GRID1: variants seen among roughly 807,000 people sequenced by gnomAD.
GRID1 encodes the protein glutamate ionotropic receptor delta type subunit 1.
GRID1 carries 28 observed loss-of-function variants against 98.0 expected under a neutral mutation model. That is an observed-to-expected ratio of 0.29 (90% confidence interval 0.21 to 0.39). The LOEUF is 0.39. GRID1 is among the 10% of genes least tolerant of loss of function. The pLI, the probability that GRID1 is intolerant of heterozygous loss-of-function variation, is 1.00. For missense variants in GRID1, 1,111 were observed against 1,340.5 expected (o/e 0.83, Z 2.67); for synonymous variants, 553 against 538.5 (o/e 1.03, Z -0.37).
chr10:85,754,875 T>G (rs1842081002), intron 8 of GRID1, among the ~76,000 whole-genome samples: 2 of 152,164 alleles, frequency 1.3e-5, no homozygotes, highest in South Asian at 4.1e-4. Flanking sequence ...CCTTAAAAAG[T>G]TATTTATAGG....
At chr10:85,910,741 T>C (rs1427971892) in intron 5 of GRID1, among the ~76,000 whole-genome samples, 2 of 152,164 alleles carry the variant, frequency 1.3e-5, no homozygotes, top group Non-Finnish European at 2.9e-5. Context: ...CTAGGAACTT[T>C]AGGGAACCTC....
At chr10:86,028,968 T>G (rs998218220) in intron 4 of GRID1, among the ~76,000 whole-genome samples, 3 of 152,154 alleles carry the variant, frequency 2.0e-5, no homozygotes. Flanking sequence ...ACCCTTCTGA[T>G]GCCAGTCCCC....
At chr10:86,237,569 A>T (rs546442411) in intron 2 of GRID1, among the ~76,000 whole-genome samples, 76 of 152,236 alleles carry the variant, frequency 5.0e-4, no homozygotes, top group African/African-American at 1.8e-3. Flanking sequence ...GCATGGTGGC[A>T]GGTGCCTGTA....
chr10:86,134,557 A>C (rs1844887713), intron 4 of GRID1, among the ~76,000 whole-genome samples: 1 of 152,088 alleles, frequency 6.6e-6, no homozygotes, highest in Non-Finnish European at 1.5e-5. Flanking sequence ...CCAAGAACAC[A>C]TCAGTCCTGA....
At chr10:85,627,916 C>T (rs1842930261) in intron 13 of GRID1, among the ~76,000 whole-genome samples, 1 of 152,168 alleles carries the variant, frequency 6.6e-6, no homozygotes, top group South Asian at 2.1e-4. Flanking sequence ...CACCTACTCC[C>T]CTCCTGCCAG....
intron 3 of GRID1, among the ~76,000 whole-genome samples, chr10:86,162,952 C>A (rs1228895445): frequency 6.6e-6 from 1 of 152,156 alleles, no homozygotes. Context: ...CCTGAAGGAG[C>A]CTTCTGAAAG....
chr10:86,138,722 C>T lies in GRID1; in HGVS notation c.726+97G>A. 2.2e-6 allele frequency: 2 copies of T among 930,046 alleles called. 1 individual carries two copies. The highest frequency in any genetic ancestry group is 2.9e-5 in the South Asian group (2 of 68,588). 57.6% of individuals were successfully genotyped at this position (930,046 alleles called of 1,614,324 possible). On this transcript the variant is annotated intron_variant, in intron 4 of 15. Coordinates refer to ENST00000327946, the MANE Select transcript of GRID1 (RefSeq NM_017551.3). ...CTACGGGTCTCCATGTCCGTTTAGG[C>T]CATGCGTAAGACGACTGTGCCCTGC... is the stretch of plus-strand genomic sequence containing the variant.
At chr10:86,213,200 A>G (rs1001677335) in intron 2 of GRID1, among the ~76,000 whole-genome samples, 1 of 151,976 alleles carries the variant, frequency 6.6e-6, no homozygotes, top group African/African-American at 2.4e-5. Flanking sequence ...TGAAATCCCA[A>G]CTAGGAGTCA....
At chr10:86,252,266 C>T (rs2132049810) in intron 2 of GRID1, among the ~76,000 whole-genome samples, 1 of 152,340 alleles carries the variant, frequency 6.6e-6, no homozygotes, top group Middle Eastern at 3.4e-3. Context: ...CACGCCCAGC[C>T]TGCAGTGTCT....
At chr10:86,176,604 C>T (rs908690916) in intron 3 of GRID1, among the ~76,000 whole-genome samples, 4 of 152,184 alleles carry the variant, frequency 2.6e-5, no homozygotes, top group Admixed American at 1.3e-4. Flanking sequence ...GGAAAGGGTC[C>T]TGGATATGAA....
intron 3 of GRID1, among the ~76,000 whole-genome samples, chr10:86,179,242 T>G (rs1020366611): frequency 4.6e-5 from 7 of 152,154 alleles, no homozygotes; most frequent in Middle Eastern, 3.4e-3. Flanking sequence ...AAAGCCAGAC[T>G]GGCCAGGCTT....
chr10:85,622,111 C>G (rs1424962792), intron 13 of GRID1, among the ~76,000 whole-genome samples: 3 of 152,140 alleles, frequency 2.0e-5, no homozygotes, highest in African/African-American at 7.2e-5. Flanking sequence ...TGTGGCCACT[C>G]TAATGGGGCA....
chr10:86,052,476 C>G (rs1843515272), intron 4 of GRID1: 1 of 152,170 alleles, frequency 6.6e-6, no homozygotes, highest in Admixed American at 6.5e-5. Flanking sequence ...CTGAACACGC[C>G]TTGTCTCCTC....
chr10:86,182,277 G>A (rs1314425422), intron 3 of GRID1, among the ~76,000 whole-genome samples: 2 of 152,194 alleles, frequency 1.3e-5, no homozygotes, highest in African/African-American at 4.8e-5. Context: ...CTCTCTCCCG[G>A]CCCCAAGCAG....
chr10:86,123,633 G>T (rs539071049), intron 4 of GRID1, among the ~76,000 whole-genome samples: 1 of 152,330 alleles, frequency 6.6e-6, no homozygotes, highest in Admixed American at 6.5e-5. Flanking sequence ...TGAGCGGAAG[G>T]TTTGTGTGGT....
chr10:86,357,802 C>A (rs1238974881), intron 2 of GRID1, among the ~76,000 whole-genome samples: 1 of 152,132 alleles, frequency 6.6e-6, no homozygotes, highest in African/African-American at 2.4e-5. Flanking sequence ...ACTATCAATG[C>A]CTGCAGCCTC....
At chr10:86,093,776 T>C (rs1268358089) in intron 4 of GRID1, among the ~76,000 whole-genome samples, 1 of 152,112 alleles carries the variant, frequency 6.6e-6, no homozygotes, top group Non-Finnish European at 1.5e-5. Flanking sequence ...ATCAAAGAAT[T>C]ATTGGCATCA....
chr10:86,072,892 T>C (rs1204866840), intron 4 of GRID1, among the ~76,000 whole-genome samples: 2 of 152,086 alleles, frequency 1.3e-5, no homozygotes, highest in African/African-American at 2.4e-5. Context: ...AGCACGGAGG[T>C]GAGATGAAAT....
rs116542411 is a variant in GRID1 at position 85,664,550 on chromosome 10, G to A, written c.1998-17153C>T. On this transcript the variant is annotated intron_variant, in intron 12 of 15. Transcript: ENST00000327946. ...CATGGTTTGAGGAAGCATTGTCAAC[G>A]TACCAGCCAAAATTAGCTGTGCTTG... Among the ~76,000 whole-genome samples, 606 of 152,172 alleles carry A rather than the reference G, an allele frequency of 4.0e-3. 3 individuals are homozygous for A. The highest frequency in any genetic ancestry group is 0.014 in the African/African-American group (562 of 41,498).
Sources: allele counts gnomAD v4.1 joint callset (sites outside exome capture counted in the v4.1 genomes callset), GRCh38; gene constraint gnomAD v4.1.1; transcripts MANE v1.5; gene names NCBI Gene and HGNC (gene_info 2026-07-23, HGNC 2026-07-21).